NINJ2: variants seen among roughly 807,000 people sequenced by gnomAD.
The protein encoded by NINJ2 is ninjurin-2.
In NINJ2, 12 loss-of-function variants were observed where a neutral mutation model predicts 11.7. That is an observed-to-expected ratio of 1.02 (90% CI 0.66 to 1.66). The LOEUF is 1.66. Among genes scored for constraint, NINJ2 ranks in the 40% most tolerant of loss-of-function variants. The probability of loss-of-function intolerance (pLI) is 0.00; values close to 1 mark genes in which losing one functional copy is unlikely to be tolerated. For synonymous variants in NINJ2, 93 were observed against 76.8 expected (o/e 1.21, Z -1.10); for missense variants, 187 against 181.8 (o/e 1.03, Z -0.16).
intron 1 of NINJ2, among the ~76,000 whole-genome samples, chr12:573,087 G>A (rs183927497): frequency 0.019 from 2,498 of 132,238 alleles, 103 homozygotes; most frequent in African/African-American, 0.069. Flanking sequence ...GTGCAGTGGC[G>A]CAATCTCAGC....
At chr12:649,531 G>GTGTGTATATATATATA (rs139452771) in intron 1 of NINJ2, among the ~76,000 whole-genome samples, 1 of 127,698 alleles carries the variant, frequency 7.8e-6, no homozygotes, top group African/African-American at 2.8e-5. Context: ...GTGTATATGT[G>GTGTGTATATATATATA]TATATATATA....
intron 1 of NINJ2, among the ~76,000 whole-genome samples, chr12:660,701 C>T (rs1326799247): frequency 6.6e-6 from 1 of 152,072 alleles, no homozygotes; most frequent in East Asian, 1.9e-4. Flanking sequence ...TGGCTCACAC[C>T]TGTAATCCCA....
At chr12:567,007 GA>G (rs1947309563) in intron 1 of NINJ2, among the ~76,000 whole-genome samples, 1 of 152,282 alleles carries the variant, frequency 6.6e-6, no homozygotes, top group Admixed American at 6.5e-5. Context: ...GTACTTGGAA[GA>G]TTGATTTAGC....
rs577585379 is a variant in NINJ2, at chr12:660,360, C to CT, written c.33+2967dup. 3.4e-3 allele frequency among the ~76,000 whole-genome samples: 418 copies of CT among 121,402 alleles called. 2 individuals carry two copies. Among genetic ancestry groups the CT allele is most frequent in the South Asian group, 0.017 (55 of 3,290 alleles). 79.6% of individuals were successfully genotyped at this position (121,402 alleles called of 152,430 possible). On this transcript the variant is annotated intron_variant, in intron 1 of 3. Coordinates refer to ENST00000305108, the MANE Select transcript of NINJ2 (RefSeq NM_016533.6). ...TTATGCTTTCTTTCTTTTTTCTTTT[C>CT]TTTTTTTTTTTTTTGAGACAGAGTC...
chr12:565,910 T>G (rs1592064591), intron 2 of NINJ2, 40 bp downstream of exon 2: 4 of 1,568,736 alleles, frequency 2.5e-6, no homozygotes, highest in Non-Finnish European at 2.6e-6. Context: ...CAGCCACGGG[T>G]GCCGAGGCAG....
chr12:571,339 G>A (rs1272228504), intron 1 of NINJ2, among the ~76,000 whole-genome samples: 6 of 152,234 alleles, frequency 3.9e-5, no homozygotes, highest in African/African-American at 1.2e-4. Context: ...TTTGATGATT[G>A]GCATGGGATG....
rs1303318750 is a variant in NINJ2 at position 656,642 on chromosome 12, G to A, written c.33+6686C>T. Among the ~76,000 whole-genome samples, 8 of 151,764 alleles carry A rather than the reference G, an allele frequency of 5.3e-5. No individual in the cohort carries two copies. The East Asian group carries it at 1.2e-3, about 22-fold the overall frequency. ...CGGGCCCCTGTAATCCCAGCTACTC[G>A]GGAGGCTGAGGCAGGAGAATCGCTT... is the stretch of plus-strand genomic sequence containing the variant. On this transcript the variant is annotated intron_variant, in intron 1 of 3. Coordinates refer to ENST00000305108, the MANE Select transcript of NINJ2 (RefSeq NM_016533.6).
chr12:569,098 C>T (rs1022436083), intron 1 of NINJ2, among the ~76,000 whole-genome samples: 3 of 152,326 alleles, frequency 2.0e-5, no homozygotes, highest in African/African-American at 4.8e-5. Context: ...GTGCTGGGGG[C>T]AGCCAGTGAG....
At chr12:600,893 A>G (rs1438055930) in intron 1 of NINJ2, among the ~76,000 whole-genome samples, 1 of 152,110 alleles carries the variant, frequency 6.6e-6, no homozygotes, top group African/African-American at 2.4e-5. Flanking sequence ...GGGTTGTTCT[A>G]GTATTTATGT....
chr12:647,435 GCACTGACAGTGTGGTGGTGCCCCA>G (rs199728188), intron 1 of NINJ2, among the ~76,000 whole-genome samples: 24,047 of 141,474 alleles, frequency 0.17, 2,381 homozygotes, highest in South Asian at 0.27. Flanking sequence ...GTGGTGCCCT[GCACTGACAGTGTGGTGGTGCCCCA>G]CACTGAAACA....
rs571180813 is a variant in NINJ2 at position 640,061 on chromosome 12, A to G, written c.33+23267T>C. Among the ~76,000 whole-genome samples the G allele has an allele frequency of 6.6e-6, 1 of 152,338 alleles. No homozygotes were observed. The highest frequency in any genetic ancestry group is 6.5e-5 in the Admixed American group (1 of 15,302). ...TTCAGGTTAAGTCAGCGTCCCTCCA[A>G]TGTGCCAGACCTACTGTCACAGCAA... On this transcript the variant is annotated intron_variant, in intron 1 of 3. Coordinates refer to ENST00000305108, the MANE Select transcript of NINJ2 (RefSeq NM_016533.6). This position sits in a 1 kb window ranked among gnomAD's most constrained non-coding sequence, Gnocchi z 4.0.
At chr12:565,705 C>G in intron 2 of NINJ2, 1 of 621,392 alleles carries the variant, frequency 1.6e-6, no homozygotes, top group South Asian at 1.8e-5. Context: ...GAGGTGCTGG[C>G]GCAGTCATTC....
intron 1 of NINJ2, among the ~76,000 whole-genome samples, chr12:573,381 C>T (rs1947406401): frequency 6.6e-6 from 1 of 152,132 alleles, no homozygotes. Flanking sequence ...GGAAGACATA[C>T]TCCCTACTCC....
chr12:641,111 T>C (rs928178717), intron 1 of NINJ2: 11 of 152,256 alleles, frequency 7.2e-5, no homozygotes, highest in African/African-American at 2.7e-4. Context: ...GCTTGTACTA[T>C]TTTCAAATAA....
chr12:577,443 A>AC (rs1436908022), intron 1 of NINJ2, among the ~76,000 whole-genome samples: 1 of 142,432 alleles, frequency 7.0e-6, no homozygotes, highest in African/African-American at 2.6e-5. Flanking sequence ...ATATATATAT[A>AC]AATATTTTGG....
intron 1 of NINJ2, among the ~76,000 whole-genome samples, chr12:593,113 T>C (rs1947737343): frequency 6.6e-6 from 1 of 152,172 alleles, no homozygotes; most frequent in African/African-American, 2.4e-5. Flanking sequence ...GATTTTTTAA[T>C]GGAAAAAATC....
At chr12:643,772 A>C (rs553595765) in intron 1 of NINJ2, 1 of 720,274 alleles carries the variant, frequency 1.4e-6, no homozygotes, top group Non-Finnish European at 1.7e-6. Flanking sequence ...CAGTCAGTCT[A>C]CTCTTCCAGT....
chr12:565,708 A>G (rs1310960337), intron 2 of NINJ2: 1 of 621,932 alleles, frequency 1.6e-6, no homozygotes, highest in African/African-American at 1.8e-5. Flanking sequence ...GTGCTGGCGC[A>G]GTCATTCAGC....
chr12:648,507 A>G (rs1028208713), intron 1 of NINJ2, among the ~76,000 whole-genome samples: 4 of 152,240 alleles, frequency 2.6e-5, no homozygotes, highest in Non-Finnish European at 4.4e-5. Flanking sequence ...AACAAGGGCT[A>G]GACCCGTTCA....
Sources: gnomAD v4.1 joint callset for allele counts (sites outside exome capture counted in the v4.1 genomes callset) on GRCh38, gnomAD v4.1.1 for gene constraint, Gnocchi (gnomAD v3.1) non-coding constraint, MANE v1.5 for transcripts, NCBI Gene and HGNC (gene_info 2026-07-23, HGNC 2026-07-21) for gene names.